GALNT15: variants seen among roughly 807,000 people sequenced by gnomAD.
The protein encoded by GALNT15 is UDP-GalNAc transferase T15.
In GALNT15, 67 loss-of-function variants were observed where a neutral mutation model predicts 66.8. That is an observed-to-expected ratio of 1.00 (90% CI 0.82 to 1.23). The LOEUF (loss-of-function observed/expected upper bound fraction) is 1.23. Ranked by LOEUF, GALNT15 falls within the 50% of genes most tolerant of loss-of-function variation. The pLI is 0.00. For synonymous variants in GALNT15, 313 were observed against 311.5 expected (o/e 1.00, Z -0.05); for missense variants, 827 against 804.3 (o/e 1.03, Z -0.34).
intron 6 of GALNT15, among the ~76,000 whole-genome samples, chr3:16,214,443 A>T (rs1039635): frequency 0.57 from 86,752 of 152,138 alleles, 24,909 homozygotes; most frequent in African/African-American, 0.62. Context: ...GTTGTTAGGA[A>T]GAATAAATAC....
At chr3:16,202,710 CAG>C (rs2124873101) in intron 3 of GALNT15, among the ~76,000 whole-genome samples, 1 of 152,336 alleles carries the variant, frequency 6.6e-6, no homozygotes, top group Admixed American at 6.5e-5. Flanking sequence ...ATCTTGAAAT[CAG>C]AGCGATGTCT....
At chr3:16,241,137 A>G in the GALNT15 span, among the ~76,000 whole-genome samples, 1 of 152,128 alleles carries the variant, frequency 6.6e-6, no homozygotes, top group African/African-American at 2.4e-5. The surrounding 1 kb of genome is among the most constrained non-coding windows in gnomAD (Gnocchi z 4.6). Context: ...GCCCTGTCTT[A>G]ACATGGACCA....
intron 6 of GALNT15, among the ~76,000 whole-genome samples, chr3:16,215,916 A>AAAAAAAAAAAAAAAAAAAAAAAAC (rs2063869013): frequency 2.1e-5 from 3 of 143,452 alleles, no homozygotes; most frequent in Non-Finnish European, 3.0e-5. Context: ...CAAAAAAAAA[A>AAAAAAAAAAAAAAAAAAAAAAAAC]AAAAAAAAAG....
Position 16,200,590 on chromosome 3 carries a change from T to G in GALNT15, c.707-29T>G. Reference sequence around the variant, plus strand: ...TCTCATCGGTTGTGGCATTTGTCATTCCACTGACCACAACCCTGTTGATTC... The same window carrying G: ...TCTCATCGGTTGTGGCATTTGTCATGCCACTGACCACAACCCTGTTGATTC... On this transcript the variant is annotated intron_variant, in intron 2 of 9. Transcript: ENST00000339732. This position sits in a 1 kb window ranked among gnomAD's most constrained non-coding sequence, Gnocchi z 4.4. The G allele has an allele frequency of 2.0e-6, 3 of 1,466,196 alleles. No individual in the cohort carries two copies. The highest frequency in any genetic ancestry group is 2.7e-6 in the Non-Finnish European group (3 of 1,101,784). 90.8% of individuals were successfully genotyped at this position (1,466,196 alleles called of 1,614,324 possible).
At position 16,227,495 on chromosome 3, in the gene GALNT15, C is replaced by G. The variant is rs538876281; in HGVS notation, c.1915C>G (p.Arg639Gly). ...RFDQINAVDE[R>G] ...TGACCAGATCAATGCTGTGGATGAA[C>G]GATGAATGTCAATGTCAGAAGGAAA... The change falls in exon 10 of 10, where the codon CGA (arginine) becomes GGA (glycine). Residue 639 changes from arginine to glycine, a missense_variant. Transcript: ENST00000339732. The surrounding 1 kb of genome is among the most constrained non-coding windows in gnomAD (Gnocchi z 4.5). The G allele has an allele frequency of 4.3e-6, 7 of 1,613,972 alleles. No individual in the cohort carries two copies. In the African/African-American group the frequency reaches 6.7e-5, roughly 15 times the overall value.
Position 16,212,699 on chromosome 3 carries a change from C to A in GALNT15, c.1328C>A (p.Thr443Asn), listed in dbSNP as rs1218319045. ...TLRNRVRIAETWLGSFKETFY... is the reference protein window; with the variant it reads ...TLRNRVRIAENWLGSFKETFY... ...AGGAACAGGGTTCGCATTGCTGAGA[C>A]CTGGCTGGGGTCATTCAAAGAAACC... The change falls in exon 6 of 10, where the codon ACC (threonine) becomes AAC (asparagine). Residue 443 changes from threonine to asparagine, a missense_variant. By Grantham distance (65) the Thr-to-Asn change is moderately conservative. Transcript: ENST00000339732. 6.2e-7 allele frequency: 1 copy of A among 1,614,060 alleles called. No homozygotes were observed. Among genetic ancestry groups the A allele is most frequent in the Non-Finnish European group, 8.5e-7 (1 of 1,180,034 alleles).
At chr3:16,222,501 G>T (rs2124902459) in intron 8 of GALNT15, 114 bp from the exon 9 acceptor site, 1 of 1,279,368 alleles carries the variant, frequency 7.8e-7, no homozygotes, top group South Asian at 1.3e-5. Flanking sequence ...GACCCCGATA[G>T]AATCTGAAGA....
intron 9 of GALNT15, 75 bp downstream of exon 9, chr3:16,222,833 G>A (rs777402421): frequency 3.5e-5 from 54 of 1,533,472 alleles, no homozygotes; most frequent in Non-Finnish European, 4.6e-5. Context: ...TGGATCCTGG[G>A]CTCTTCCAAG....
Position 16,176,838 on chromosome 3 carries a change from C to A in GALNT15, c.539+1148C>A, listed in dbSNP as rs2063415418. On this transcript the variant is annotated intron_variant, in intron 1 of 9. Coordinates refer to ENST00000339732, the MANE Select transcript of GALNT15 (RefSeq NM_054110.5). The surrounding 1 kb of genome is among the most constrained non-coding windows in gnomAD (Gnocchi z 5.6). ...CCTGATCTAGTTCCCCTCAGCCTGG[C>A]TGCTCAGCCACTCACACTCGAGGGT... 6.6e-6 allele frequency among the ~76,000 whole-genome samples: 1 copy of A among 152,216 alleles called. No individual in the cohort carries two copies. Among genetic ancestry groups the A allele is most frequent in the Non-Finnish European group, 1.5e-5 (1 of 68,034 alleles).
chr3:16,244,894 T>A, the GALNT15 span, among the ~76,000 whole-genome samples: 1 of 152,194 alleles, frequency 6.6e-6, no homozygotes, highest in Non-Finnish European at 1.5e-5. Flanking sequence ...GTATCACATG[T>A]CCTCAGGCCT....
At position 16,204,658 on chromosome 3, in the gene GALNT15, G is replaced by A. The variant is rs1052789442; in HGVS notation, c.911+3835G>A. On this transcript the variant is annotated intron_variant, in intron 3 of 9. Coordinates refer to ENST00000339732, the MANE Select transcript of GALNT15 (RefSeq NM_054110.5). The surrounding 1 kb of genome is among the most constrained non-coding windows in gnomAD (Gnocchi z 4.5). ...GGATGAAGGTTTCTAAGGGGAAAGG[G>A]ACAGTCTTGAAAGGGGCTGAAAGAT... Among the ~76,000 whole-genome samples the A allele has an allele frequency of 6.6e-6, 1 of 152,200 alleles. No homozygotes were observed. The highest frequency in any genetic ancestry group is 1.5e-5 in the Non-Finnish European group (1 of 68,030).
In GALNT15 at chr3:16,225,150, G is replaced by T. The variant is rs184498766; in HGVS notation, c.1774-2204G>T. Among the ~76,000 whole-genome samples the T allele has an allele frequency of 2.6e-5, 4 of 151,952 alleles. No homozygotes were observed. Among genetic ancestry groups the T allele is most frequent in the African/African-American group, 9.7e-5 (4 of 41,362 alleles). On this transcript the variant is annotated intron_variant, in intron 9 of 9. Coordinates refer to ENST00000339732, the MANE Select transcript of GALNT15 (RefSeq NM_054110.5). The surrounding 1 kb of genome is among the most constrained non-coding windows in gnomAD (Gnocchi z 4.4). ...AAGCAGGAACAAGAGAAAGAGAGTG[G>T]GGGAGGGGGTGCCACACACTCTTAA...
At chr3:16,185,666 A>G (rs1304218675) in intron 1 of GALNT15, among the ~76,000 whole-genome samples, 1 of 152,220 alleles carries the variant, frequency 6.6e-6, no homozygotes, top group South Asian at 2.1e-4. Context: ...TGTTTTTCAA[A>G]TAACCTTCCA....
rs1224546781 is a variant in GALNT15 at position 16,200,941 on chromosome 3, A to G, written c.911+118A>G. 6.8e-6 allele frequency: 5 copies of G among 738,686 alleles called. No individual in the cohort carries two copies. The highest frequency in any genetic ancestry group is 5.5e-5 in the African/African-American group (3 of 54,718). The allele number at this position is 738,686 out of a possible 1,614,324, so 45.8% of individuals were successfully genotyped here. On this transcript the variant is annotated intron_variant, in intron 3 of 9. Coordinates refer to ENST00000339732, the MANE Select transcript of GALNT15 (RefSeq NM_054110.5). The surrounding 1 kb of genome is among the most constrained non-coding windows in gnomAD (Gnocchi z 4.4). ...TCCTGAATCTCCATTAGAGAGTGAT[A>G]TATTCCCTTCGGGTTTTCAGATGTG...
At chr3:16,197,283 G>A (rs62235210) in intron 2 of GALNT15, among the ~76,000 whole-genome samples, 1 of 151,994 alleles carries the variant, frequency 6.6e-6, no homozygotes, top group Non-Finnish European at 1.5e-5. Context: ...TGGATCCCCT[G>A]CCAAGCAATT....
Position 16,175,556 on chromosome 3 carries a change from G to GAGTCT in GALNT15, c.405_406insAGTCT (p.Gly136SerfsTer16). On this transcript the variant is annotated frameshift_variant, in exon 1 of 10. Coordinates refer to ENST00000339732, the MANE Select transcript of GALNT15 (RefSeq NM_054110.5). LOFTEE classifies it high-confidence loss of function. The surrounding 1 kb of genome is among the most constrained non-coding windows in gnomAD (Gnocchi z 5.6). ...ATAAGGAAGCCCCAAAGAGGGACTG[G>GAGTCT]GGGGCTGATGAGGACGGGGAGGTGT... 1 of 1,614,050 alleles carries GAGTCT rather than the reference G, an allele frequency of 6.2e-7. No individual in the cohort carries two copies.
At chr3:16,190,932 G>A (rs1166360068) in intron 1 of GALNT15, among the ~76,000 whole-genome samples, 3 of 152,192 alleles carry the variant, frequency 2.0e-5, no homozygotes, top group Non-Finnish European at 4.4e-5. Flanking sequence ...TGAAGGCTGC[G>A]TGAACTTCTT....
At position 16,211,203 on chromosome 3, in the gene GALNT15, T is replaced by G. The variant is rs763681474; in HGVS notation, c.1159T>G (p.Ser387Ala). 1.2e-6 allele frequency: 2 copies of G among 1,613,984 alleles called. No homozygotes were observed. The highest frequency in any genetic ancestry group is 1.7e-6 in the Non-Finnish European group (2 of 1,179,842). ...QNTGAYDSLMSLRGGENLELS... is the reference protein window; with the variant it reads ...QNTGAYDSLMALRGGENLELS... ...CACTGGAGCGTATGACTCTCTTATG[T>G]CGCTGCGAGGTGGTGAAAACCTCGA... The change falls in exon 5 of 10, where the codon TCG becomes GCG. Residue 387 changes from serine to alanine, a missense_variant. Ser to Ala is a moderately conservative substitution (Grantham distance 99). Coordinates refer to ENST00000339732, the MANE Select transcript of GALNT15 (RefSeq NM_054110.5). This position sits in a 1 kb window ranked among gnomAD's most constrained non-coding sequence, Gnocchi z 4.3.
At chr3:16,247,056 CA>C in the GALNT15 span, among the ~76,000 whole-genome samples, 3 of 150,740 alleles carry the variant, frequency 2.0e-5, no homozygotes, top group Admixed American at 6.6e-5. Flanking sequence ...GAATTTGAAC[CA>C]GGGGGTAGAA....
Sources: allele counts gnomAD v4.1 joint callset (sites outside exome capture counted in the v4.1 genomes callset), GRCh38; gene constraint gnomAD v4.1.1; non-coding constraint Gnocchi (gnomAD v3.1); transcripts MANE v1.5; gene names NCBI Gene and HGNC (gene_info 2026-07-23, HGNC 2026-07-21).